The following LY96 variants were observed in gnomAD, a reference collection of about 807,000 sequenced individuals.
LY96 encodes the protein myeloid differentiation protein-2.
Under a neutral mutation model 18.9 loss-of-function variants are expected in LY96, and 18 were observed. That is an observed-to-expected ratio of 0.95 (90% confidence interval 0.66 to 1.41). The LOEUF (loss-of-function observed/expected upper bound fraction) is 1.41. Ranked by LOEUF, LY96 falls within the 40% of genes most tolerant of loss-of-function variation. The pLI is 0.00. For missense variants in LY96, 175 were observed against 182.4 expected, an observed-to-expected ratio of 0.96 and a Z score of 0.23; for synonymous variants, 66 against 62.6, an observed-to-expected ratio of 1.06 and a Z score of -0.26.
At chr8:74,084,234 C>A in the LY96 span, among the ~76,000 whole-genome samples, 1 of 152,084 alleles carries the variant, frequency 6.6e-6, no homozygotes, top group Non-Finnish European at 1.5e-5. Flanking sequence ...AGTGTGTGTA[C>A]TTCTATCTGG....
At chr8:74,004,237 C>T (rs949343032) in intron 1 of LY96, among the ~76,000 whole-genome samples, 1 of 152,168 alleles carries the variant, frequency 6.6e-6, no homozygotes, top group African/African-American at 2.4e-5. Flanking sequence ...ATTAATGATG[C>T]CTATCTGCCC....
intron 2 of LY96, among the ~76,000 whole-genome samples, chr8:74,009,582 AT>A (rs1339788026): frequency 1.3e-5 from 2 of 152,228 alleles, no homozygotes; most frequent in East Asian, 3.9e-4. Flanking sequence ...AAAAGATTCT[AT>A]TTTATTCTCA....
At chr8:74,054,676 T>TTTCTTTCTTTCTTTCTTTC in the LY96 span, among the ~76,000 whole-genome samples, 3 of 65,346 alleles carry the variant, frequency 4.6e-5, no homozygotes, top group East Asian at 9.7e-4. Context: ...TTCTTTCTTT[T>TTTCTTTCTTTCTTTCTTTC]TATTTGAGAT....
At chr8:74,086,706 T>C in the LY96 span, among the ~76,000 whole-genome samples, 19 of 152,210 alleles carry the variant, frequency 1.2e-4, no homozygotes, top group African/African-American at 4.3e-4. Context: ...TGAAACCTAA[T>C]CACCAATGTG....
intron 1 of LY96, among the ~76,000 whole-genome samples, chr8:73,992,094 G>T (rs1243601084): frequency 1.3e-5 from 2 of 152,182 alleles, no homozygotes; most frequent in Non-Finnish European, 2.9e-5. Context: ...TAGTCTACTT[G>T]ATAAGGGTGT....
At chr8:74,060,329 A>G in the LY96 span, among the ~76,000 whole-genome samples, 108 of 152,386 alleles carry the variant, frequency 7.1e-4, no homozygotes, top group African/African-American at 2.3e-3. Context: ...ATCAATTAGC[A>G]AAGTTAAAAA....
chr8:74,017,959 A>G (rs1816678459), intron 3 of LY96, among the ~76,000 whole-genome samples: 2 of 152,264 alleles, frequency 1.3e-5, no homozygotes, highest in Non-Finnish European at 2.9e-5. Context: ...GCCAAATTGT[A>G]GCGACTATTG....
In LY96 at chr8:73,996,372, C is replaced by CCTTCATTTCTTTCTTTCTTT. The variant is rs1816135382; in HGVS notation, c.112+4821_112+4822insCATTTCTTTCTTTCTTTCTT. Among the ~76,000 whole-genome samples, 489 of 111,002 alleles carry CCTTCATTTCTTTCTTTCTTT rather than the reference C, an allele frequency of 4.4e-3. 13 individuals carry two copies. The highest frequency in any genetic ancestry group is 0.023 in the Middle Eastern group (5 of 216). The allele number at this position is 111,002 out of a possible 152,430, so 72.8% of individuals were successfully genotyped here. On this transcript the variant is annotated intron_variant, in intron 1 of 4. Coordinates refer to ENST00000284818, the MANE Select transcript of LY96 (RefSeq NM_015364.5). ...TCCTTCCTTCCTTCCTTCCTTCATT[C>CCTTCATTTCTTTCTTTCTTT]CTTTCTTTCTTTCTTTCTTTCTTTC...
At chr8:74,002,877 A>G (rs1428191708) in intron 1 of LY96, among the ~76,000 whole-genome samples, 1 of 152,098 alleles carries the variant, frequency 6.6e-6, no homozygotes, top group Non-Finnish European at 1.5e-5. Context: ...CCCAGCCTTC[A>G]GCTCCATGAT....
chr8:74,013,620 C>T (rs1345143793), intron 3 of LY96, among the ~76,000 whole-genome samples: 1 of 151,884 alleles, frequency 6.6e-6, no homozygotes, highest in African/African-American at 2.4e-5. Flanking sequence ...CAGGGTCTCA[C>T]TATGTTGCCC....
chr8:74,004,979 TCTATTG>T, intron 2 of LY96, 94 bp downstream of exon 2: 1 of 1,338,506 alleles, frequency 7.5e-7, no homozygotes, highest in Non-Finnish European at 1.1e-6. Context: ...GTATTCGTTA[TCTATTG>T]CTACGTAACA....
chr8:74,015,677 T>C (rs1336455550), intron 3 of LY96, among the ~76,000 whole-genome samples: 1 of 152,160 alleles, frequency 6.6e-6, no homozygotes, highest in Non-Finnish European at 1.5e-5. Flanking sequence ...CAATTCAATG[T>C]ACAATACCAT....
intron 4 of LY96, 64 bp from the exon 5 acceptor site, chr8:74,028,892 A>G (rs960723855): frequency 2.1e-6 from 2 of 971,738 alleles, no homozygotes; most frequent in African/African-American, 1.6e-5. Context: ...AAGTTCTTAC[A>G]AAGCCTCTGA....
the LY96 span, among the ~76,000 whole-genome samples, chr8:74,055,413 T>C: frequency 1.3e-5 from 2 of 152,166 alleles, no homozygotes; most frequent in African/African-American, 4.8e-5. Context: ...TAAGCTTTTT[T>C]CCTTGGTCCC....
chr8:74,079,602 T>A, the LY96 span: 1 of 152,274 alleles, frequency 6.6e-6, no homozygotes, highest in African/African-American at 2.4e-5. Context: ...ATGGCCCCAG[T>A]GCCAGGATGA....
intron 4 of LY96, among the ~76,000 whole-genome samples, chr8:74,027,995 C>T (rs947680843): frequency 6.6e-6 from 1 of 152,100 alleles, no homozygotes; most frequent in African/African-American, 2.4e-5. Flanking sequence ...CAATAAAACT[C>T]GATTGATCCT....
At chr8:74,010,224 T>C (rs1205646005) in intron 3 of LY96, 95 bp downstream of exon 3, 5 of 1,197,414 alleles carry the variant, frequency 4.2e-6, no homozygotes, top group Non-Finnish European at 6.0e-6. Flanking sequence ...AAGTTCCTTT[T>C]CTGCTAATAA....
At chr8:74,013,405 G>T (rs1816571669) in intron 3 of LY96, among the ~76,000 whole-genome samples, 1 of 152,070 alleles carries the variant, frequency 6.6e-6, no homozygotes, top group Non-Finnish European at 1.5e-5. Flanking sequence ...AAAGTGCTGA[G>T]ATTACAGGTG....
the LY96 span, among the ~76,000 whole-genome samples, chr8:74,060,245 GTGTC>G: frequency 6.6e-6 from 1 of 152,184 alleles, no homozygotes; most frequent in African/African-American, 2.4e-5. Context: ...TAAAAGTTAA[GTGTC>G]TGTCTGAGAG....
Sources: gnomAD v4.1 joint callset for allele counts (sites outside exome capture counted in the v4.1 genomes callset) on GRCh38, gnomAD v4.1.1 for gene constraint, MANE v1.5 for transcripts, NCBI Gene and HGNC (gene_info 2026-07-23, HGNC 2026-07-21) for gene names.